TPGS2: variants seen among roughly 807,000 people sequenced by gnomAD.
The protein encoded by TPGS2 is tubulin polyglutamylase complex subunit 2, also known as polyglutamylase subunit 2.
In TPGS2, 26 loss-of-function variants were observed where a neutral mutation model predicts 31.1. The ratio of observed to expected loss-of-function variants is 0.84; its 90% CI spans 0.61 to 1.16. TPGS2 has a LOEUF of 1.16. Ranked by LOEUF, TPGS2 falls within the 50% of genes most tolerant of loss-of-function variation. TPGS2 has a pLI of 0.00. For synonymous variants in TPGS2, 130 were observed against 136.6 expected (o/e 0.95, Z 0.34); for missense variants, 351 against 363.8 (o/e 0.96, Z 0.29).
intron 3 of TPGS2, among the ~76,000 whole-genome samples, chr18:36,807,335 T>G (rs536967836): frequency 6.6e-6 from 1 of 152,158 alleles, no homozygotes; most frequent in African/African-American, 2.4e-5. Flanking sequence ...TGGCAGCCTG[T>G]GAATTGAGGT....
rs1296371392 is a variant in TPGS2 at position 36,796,140 on chromosome 18, A to T, written c.*665T>A. 7.1e-6 allele frequency: 7 copies of T among 985,318 alleles called. No individual in the cohort carries two copies. Among genetic ancestry groups the T allele is most frequent in the Non-Finnish European group, 7.2e-6 (6 of 829,952 alleles). The allele number at this position is 985,318 out of a possible 1,614,324, so 61.0% of individuals were successfully genotyped here. On this transcript the variant is annotated 3_prime_UTR_variant, in exon 7 of 7. Coordinates refer to ENST00000334295, the MANE Select transcript of TPGS2 (RefSeq NM_015476.4). ...CAGAGCGAGATATTTGTGGTAAGGG[A>T]TACAAAGAACATACAATTGTGTACT... is the stretch of plus-strand genomic sequence containing the variant.
chr18:36,805,535 G>A (rs1228706741), intron 3 of TPGS2, 33 bp from the exon 4 acceptor site: 1 of 1,612,962 alleles, frequency 6.2e-7, no homozygotes, highest in South Asian at 1.1e-5. Context: ...GAATTACATG[G>A]AGTAACAGCC....
chr18:36,798,447 A>T lies in TPGS2; in HGVS notation c.657+2T>A. 3.7e-6 allele frequency: 6 copies of T among 1,614,132 alleles called. No individual in the cohort carries two copies. The highest frequency in any genetic ancestry group is 5.1e-6 in the Non-Finnish European group (6 of 1,180,010). On this transcript the variant is annotated splice_donor_variant, in intron 6 of 6. Coordinates refer to ENST00000334295, the MANE Select transcript of TPGS2 (RefSeq NM_015476.4). LOFTEE classifies it high-confidence loss of function. ...TTACAATGGCAGGTGTTCCTCCCTT[A>T]CCTTGGCCTGTGGGCTAATGCCATA...
intron 5 of TPGS2, 49 bp from the exon 6 acceptor site, chr18:36,798,658 T>A (rs760052195): frequency 6.3e-7 from 1 of 1,582,382 alleles, no homozygotes. Context: ...GCTTAACAGT[T>A]TTTTCTTTTT....
chr18:36,803,128 C>T lies in TPGS2; in HGVS notation c.382+2246G>A, dbSNP rs186476492. On this transcript the variant is annotated intron_variant, in intron 4 of 6. Transcript: ENST00000334295. ...ACCACTAGTATTTATCATTTCTTTG[C>T]GGTGAGAACATTTAAAATCCTTTCT... Among the ~76,000 whole-genome samples the T allele has an allele frequency of 6.0e-3, 915 of 152,122 alleles. 5 individuals are homozygous for T. The highest frequency in any genetic ancestry group is 9.9e-3 in the Admixed American group (151 of 15,268).
At position 36,795,680 on chromosome 18, in the gene TPGS2, G is replaced by A. The variant is rs909868900; in HGVS notation, c.*1125C>T. On this transcript the variant is annotated 3_prime_UTR_variant, in exon 7 of 7. Transcript: ENST00000334295. ...TCAAATATTAAGCATATGTGGGCTA[G>A]AGGTTCCCCCATATGTCAATGGGAA... The A allele has an allele frequency of 1.0e-6, 1 of 985,338 alleles. No individual in the cohort carries two copies. Among genetic ancestry groups the A allele is most frequent in the Admixed American group, 6.1e-5 (1 of 16,268 alleles). 61.0% of individuals were successfully genotyped at this position (985,338 alleles called of 1,614,324 possible). A position where few individuals can be genotyped will look rare whatever the true frequency, so the allele number is the denominator to read the frequency against.
intron 2 of TPGS2, among the ~76,000 whole-genome samples, chr18:36,814,486 CTT>C (rs1357146825): frequency 1.3e-5 from 2 of 152,214 alleles, no homozygotes. Flanking sequence ...GGTTGTCAAT[CTT>C]TCTTCCTGGA....
downstream of TPGS2, among the ~76,000 whole-genome samples, chr18:36,780,390 A>G (rs532093507): frequency 1.1e-4 from 17 of 152,372 alleles, no homozygotes; most frequent in African/African-American, 4.1e-4. Flanking sequence ...ACTATTCCAC[A>G]ACTCACTCAT....
chr18:36,826,185 C>T (rs1467927674), intron 1 of TPGS2, among the ~76,000 whole-genome samples: 1 of 152,126 alleles, frequency 6.6e-6, no homozygotes, highest in South Asian at 2.1e-4. Flanking sequence ...CTAAGGCATG[C>T]ACCACCACAC....
chr18:36,809,864 G>A (rs1247653074), intron 2 of TPGS2, among the ~76,000 whole-genome samples: 1 of 152,154 alleles, frequency 6.6e-6, no homozygotes, highest in Non-Finnish European at 1.5e-5. Flanking sequence ...TCATATGTAA[G>A]ACAGGCTGAA....
At chr18:36,789,505 A>G (rs1408392255), downstream of TPGS2, 3 of 152,168 alleles carry the variant, frequency 2.0e-5, no homozygotes, top group Non-Finnish European at 4.4e-5. Context: ...GAGAGAATAT[A>G]CCTTTATATG....
intron 6 of TPGS2, chr18:36,798,234 T>A (rs2044627996): frequency 1.4e-6 from 2 of 1,391,546 alleles, no homozygotes; most frequent in East Asian, 5.1e-5. Flanking sequence ...CAGTTAATTC[T>A]GAGAATCAGT....
chr18:36,800,618 T>C (rs2044758800), intron 4 of TPGS2, among the ~76,000 whole-genome samples: 1 of 152,042 alleles, frequency 6.6e-6, no homozygotes, highest in Admixed American at 6.5e-5. Context: ...GATGCTGACA[T>C]AACTTCATTT....
chr18:36,825,430 T>A (rs1199536052), intron 1 of TPGS2, among the ~76,000 whole-genome samples: 1 of 95,336 alleles, frequency 1.0e-5, no homozygotes, highest in Non-Finnish European at 1.8e-5. Flanking sequence ...AGACTCCGTC[T>A]CCAAAAAAAA....
downstream of TPGS2, chr18:36,780,296 A>G (rs561575234): frequency 2.5e-6 from 2 of 805,678 alleles, 1 homozygote; most frequent in South Asian, 1.3e-4. Flanking sequence ...TTGTTAACCT[A>G]ACATCTATCA....
intron 2 of TPGS2, among the ~76,000 whole-genome samples, chr18:36,809,626 C>T (rs536544490): frequency 6.6e-6 from 1 of 152,306 alleles, no homozygotes; most frequent in South Asian, 2.1e-4. Flanking sequence ...AATGCACTTG[C>T]AGAATGCCTT....
chr18:36,808,413 C>T (rs910993964), intron 2 of TPGS2, among the ~76,000 whole-genome samples: 5 of 152,008 alleles, frequency 3.3e-5, no homozygotes, highest in Admixed American at 6.5e-5. Flanking sequence ...CCGAGGTGGG[C>T]GGGTCACGAG....
At chr18:36,825,873 T>C (rs534787626) in intron 1 of TPGS2, among the ~76,000 whole-genome samples, 112 of 152,322 alleles carry the variant, frequency 7.4e-4, no homozygotes, top group South Asian at 1.4e-3. Context: ...GTGAGATTTG[T>C]AGATCAATTT....
chr18:36,825,827 A>G (rs2046111186), intron 1 of TPGS2, among the ~76,000 whole-genome samples: 1 of 152,218 alleles, frequency 6.6e-6, no homozygotes, highest in Non-Finnish European at 1.5e-5. Context: ...GATTTCTACA[A>G]AAGAGACAGT....
Sources: gnomAD v4.1 joint callset for allele counts (sites outside exome capture counted in the v4.1 genomes callset) on GRCh38, gnomAD v4.1.1 for gene constraint, MANE v1.5 for transcripts, NCBI Gene and HGNC (gene_info 2026-07-23, HGNC 2026-07-21) for gene names.